Variants in TDRP observed in about 807,000 individuals in gnomAD.
TDRP encodes the protein testis development related protein.
Under a neutral mutation model 10.5 loss-of-function variants are expected in TDRP, and 12 were observed. That is an observed-to-expected ratio of 1.15 (90% confidence interval 0.73 to 1.86). The LOEUF is 1.86. Ranked by LOEUF, TDRP falls within the 40% of genes most tolerant of loss-of-function variation. The pLI, the probability that TDRP is intolerant of heterozygous loss-of-function variation, is 0.00. For synonymous variants in TDRP, 139 were observed against 95.4 expected, an observed-to-expected ratio of 1.46 and a Z score of -2.67; for missense variants, 353 against 229.2, an observed-to-expected ratio of 1.54 and a Z score of -3.49.
At chr8:545,645 G>T (rs975094291), upstream of TDRP, 1 of 152,114 alleles carries the variant, frequency 6.6e-6, no homozygotes, top group African/African-American at 2.4e-5. Flanking sequence ...TCGGGGCCTG[G>T]GCGCCGGGCA....
chr8:544,721 C>A lies in TDRP; in HGVS notation c.37G>T (p.Glu13Ter), dbSNP rs764365534. Residue 13 changes from glutamate (E) to a stop codon, truncating the protein, a stop_gained, in exon 1 of 3, where the codon GAG (glutamate) becomes TAG (stop). Coordinates refer to ENST00000324079, the MANE Select transcript of TDRP (RefSeq NM_001384899.1). LOFTEE classifies it high-confidence loss of function. ...KLGRGRVLLD[E>*]PPEEEDGLRG... ...AGGCCGTCCTCCTCCTCGGGGGGCTCGTCCAGCAGCACTCGGCCCCGGCCC... is the reference window on the plus strand; with the variant it reads ...AGGCCGTCCTCCTCCTCGGGGGGCTAGTCCAGCAGCACTCGGCCCCGGCCC... The A allele has an allele frequency of 2.1e-5, 26 of 1,243,288 alleles. No individual in the cohort carries two copies. Among genetic ancestry groups the A allele is most frequent in the Non-Finnish European group, 1.0e-6 (1 of 993,130 alleles). The allele number at this position is 1,243,288 out of a possible 1,614,324, so 77.0% of individuals were successfully genotyped here. A position where few individuals can be genotyped will look rare whatever the true frequency, so the allele number is the denominator to read the frequency against.
intron 1 of TDRP, chr8:494,908 C>T (rs965862066): frequency 4.6e-6 from 1 of 219,046 alleles, no homozygotes; most frequent in African/African-American, 2.3e-5. Context: ...CGAAGCTTCC[C>T]TCACAAATAA....
At chr8:504,862 A>G (rs868649735) in intron 1 of TDRP, among the ~76,000 whole-genome samples, 4 of 152,262 alleles carry the variant, frequency 2.6e-5, no homozygotes, top group Non-Finnish European at 5.9e-5. Flanking sequence ...AATTCATTCT[A>G]AGCCCATGAG....
At chr8:542,390 G>A (rs1029830170) in intron 1 of TDRP, among the ~76,000 whole-genome samples, 4 of 152,070 alleles carry the variant, frequency 2.6e-5, no homozygotes, top group Admixed American at 6.6e-5. Context: ...CCATGAGCCC[G>A]TGTAGGTCCA....
chr8:511,370 G>A (rs953233866), intron 1 of TDRP, among the ~76,000 whole-genome samples: 1 of 151,694 alleles, frequency 6.6e-6, no homozygotes, highest in African/African-American at 2.4e-5. Context: ...TTTTAATGTT[G>A]CTAAAGAGAA....
intron 1 of TDRP, among the ~76,000 whole-genome samples, chr8:524,568 A>G (rs759307616): frequency 2.6e-5 from 4 of 152,232 alleles, no homozygotes; most frequent in East Asian, 1.9e-4. Context: ...CCTATCAGAT[A>G]AATTTGACCA....
chr8:528,815 G>A (rs189925557), intron 1 of TDRP, among the ~76,000 whole-genome samples: 30 of 151,902 alleles, frequency 2.0e-4, no homozygotes, highest in Admixed American at 1.7e-3. Context: ...CTATGTGTGT[G>A]TGTATATGTG....
intron 1 of TDRP, among the ~76,000 whole-genome samples, chr8:525,269 G>A (rs1007157534): frequency 2.6e-5 from 4 of 152,038 alleles, no homozygotes; most frequent in African/African-American, 9.7e-5. Flanking sequence ...CAAAAGCTGA[G>A]GATTTTCACC....
chr8:509,318 C>T (rs928517108), intron 1 of TDRP, among the ~76,000 whole-genome samples: 3 of 152,232 alleles, frequency 2.0e-5, no homozygotes, highest in African/African-American at 7.2e-5. Flanking sequence ...CCCTTCCATA[C>T]TGGCCCAGCA....
chr8:544,149 T>A (rs995188381), intron 1 of TDRP, among the ~76,000 whole-genome samples: 1 of 152,148 alleles, frequency 6.6e-6, no homozygotes, highest in East Asian at 1.9e-4. Flanking sequence ...CACTTAACAT[T>A]GAGCTACGGT....
rs899680090 is a variant in TDRP, at chr8:490,970, T to C, written c.*1429A>G. 6.6e-5 allele frequency: 10 copies of C among 152,220 alleles called. No individual in the cohort carries two copies. Among genetic ancestry groups the C allele is most frequent in the East Asian group, 3.8e-4 (2 of 5,200 alleles). The allele number at this position is 152,220 out of a possible 1,614,324, so 9.4% of individuals were successfully genotyped here. On this transcript the variant is annotated 3_prime_UTR_variant, in exon 3 of 3. Transcript: ENST00000324079. ...AGGACAGGTGAATAGATACGGATGATTGATAGGTATAAGTGATTGACACAG... is the reference window on the plus strand; with the variant it reads ...AGGACAGGTGAATAGATACGGATGACTGATAGGTATAAGTGATTGACACAG...
In TDRP at chr8:492,887, T is replaced by C. The variant is rs928971155; in HGVS notation, c.213-143A>G. 3 of 730,556 alleles carry C rather than the reference T, an allele frequency of 4.1e-6. No homozygotes were observed. In the African/African-American group the frequency reaches 5.4e-5, roughly 13 times the overall value. The allele number at this position is 730,556 out of a possible 1,614,324, so 45.3% of individuals were successfully genotyped here. ...AAGTCTATATGAAAAGTTTCAAATA[T>C]TAAAATTAAGGAAAAATTAGTCACT... On this transcript the variant is annotated intron_variant, in intron 2 of 2. Coordinates refer to ENST00000324079, the MANE Select transcript of TDRP (RefSeq NM_001384899.1).
In TDRP at chr8:490,209, C is replaced by G. The variant is rs1392394002; in HGVS notation, c.*2190G>C. 6.6e-6 allele frequency: 1 copy of G among 152,074 alleles called. No homozygotes were observed. The allele number at this position is 152,074 out of a possible 1,614,324, so 9.4% of individuals were successfully genotyped here. On this transcript the variant is annotated 3_prime_UTR_variant, in exon 3 of 3. Transcript: ENST00000324079. ...AGATAATTTTTCTCCCAAAGCACACCAATAAATATTTATATTAAAAACCAC... is the reference window on the plus strand; with the variant it reads ...AGATAATTTTTCTCCCAAAGCACACGAATAAATATTTATATTAAAAACCAC...
At chr8:545,527 A>T (rs1233687787), upstream of TDRP, 1 of 151,812 alleles carries the variant, frequency 6.6e-6, no homozygotes, top group African/African-American at 2.4e-5. Context: ...CCGGGAGCGC[A>T]GTGCGCATGC....
chr8:534,837 T>A (rs892023859), intron 1 of TDRP, among the ~76,000 whole-genome samples: 2 of 152,186 alleles, frequency 1.3e-5, no homozygotes, highest in Admixed American at 6.5e-5. Context: ...TGTAACTACT[T>A]TTTGGGCTAT....
At chr8:503,702 A>G (rs1299136378) in intron 1 of TDRP, among the ~76,000 whole-genome samples, 5 of 131,346 alleles carry the variant, frequency 3.8e-5, no homozygotes, top group African/African-American at 5.8e-5. Context: ...ACATCAGCAC[A>G]CACCAGCATG....
chr8:512,552 T>A (rs1801647734), intron 1 of TDRP, among the ~76,000 whole-genome samples: 1 of 150,218 alleles, frequency 6.7e-6, no homozygotes, highest in Non-Finnish European at 1.5e-5. Context: ...CTTATATAAA[T>A]CAAGAATATA....
chr8:490,397 T>C lies in TDRP; in HGVS notation c.*2002A>G, dbSNP rs1219238292. The C allele has an allele frequency of 6.6e-6, 1 of 152,232 alleles. No homozygotes were observed. Among genetic ancestry groups the C allele is most frequent in the African/African-American group, 2.4e-5 (1 of 41,456 alleles). The allele number at this position is 152,232 out of a possible 1,614,324, so 9.4% of individuals were successfully genotyped here. On this transcript the variant is annotated 3_prime_UTR_variant, in exon 3 of 3. Coordinates refer to ENST00000324079, the MANE Select transcript of TDRP (RefSeq NM_001384899.1). ...TTTTGCCAACTGTGCGTCACAATTC[T>C]ATGATTGACGTGAGTTGCAGGCACT...
In TDRP at chr8:491,536, A is replaced by G. The variant is rs1205824615; in HGVS notation, c.*863T>C. Reference sequence around the variant, plus strand: ...ATCACAATAGGCATCTCGCTTTGCAAGAACAAACATATGAGCCTAATAAAA... The same window carrying G: ...ATCACAATAGGCATCTCGCTTTGCAGGAACAAACATATGAGCCTAATAAAA... On this transcript the variant is annotated 3_prime_UTR_variant, in exon 3 of 3. Transcript: ENST00000324079. 11 of 1,393,338 alleles carry G rather than the reference A, an allele frequency of 7.9e-6. No homozygotes were observed. The highest frequency in any genetic ancestry group is 4.2e-5 in the South Asian group (3 of 71,010). 86.3% of individuals were successfully genotyped at this position (1,393,338 alleles called of 1,614,324 possible). A position where few individuals can be genotyped will look rare whatever the true frequency, so the allele number is the denominator to read the frequency against.
Sources: allele counts gnomAD v4.1 joint callset (sites outside exome capture counted in the v4.1 genomes callset), GRCh38; gene constraint gnomAD v4.1.1; transcripts MANE v1.5; gene names NCBI Gene and HGNC (gene_info 2026-07-23, HGNC 2026-07-21).